Variants in VAT1L observed in about 807,000 individuals in gnomAD.
VAT1L encodes vesicle amine transport 1 like, also known as putative NADPH-dependent quinone oxidoreductase VAT1L.
VAT1L carries 34 observed loss-of-function variants against 44.1 expected under a neutral mutation model. The observed-to-expected ratio is 0.77, with a 90% CI of 0.59 to 1.03. The LOEUF (loss-of-function observed/expected upper bound fraction) is 1.03, where lower values mean the gene tolerates loss of function less well. Among genes scored for constraint, VAT1L ranks in the 50% least tolerant of loss-of-function variants. The pLI is 0.00. For synonymous variants in VAT1L, 253 were observed against 202.2 expected (o/e 1.25, Z -2.13); for missense variants, 615 against 538.8 (o/e 1.14, Z -1.40).
At position 77,960,572 on chromosome 16, in the gene VAT1L, G is replaced by A. The variant is rs537183660; in HGVS notation, c.1078-11278G>A. Among the ~76,000 whole-genome samples the A allele has an allele frequency of 3.0e-4, 46 of 152,308 alleles. 1 individual carries two copies. The highest frequency in any genetic ancestry group is 1.1e-3 in the African/African-American group (45 of 41,558). ...GACCCATCACAAGGCAGGAATGAAA[G>A]GGGAAATATCTTCATTCTCCTTTCT... On this transcript the variant is annotated intron_variant, in intron 7 of 8. Coordinates refer to ENST00000302536, the MANE Select transcript of VAT1L (RefSeq NM_020927.3).
At chr16:77,906,676 TAAGGGGGGAACGG>T (rs897120384) in intron 7 of VAT1L, among the ~76,000 whole-genome samples, 1 of 151,716 alleles carries the variant, frequency 6.6e-6, no homozygotes, top group African/African-American at 2.4e-5. Context: ...CCTGAAAAAC[TAAGGGGGGAACGG>T]TCACTCCCCA....
In VAT1L at chr16:77,879,858, C is replaced by T. The variant is rs4888693; in HGVS notation, c.882+634C>T. On this transcript the variant is annotated intron_variant, in intron 6 of 8. Coordinates refer to ENST00000302536, the MANE Select transcript of VAT1L (RefSeq NM_020927.3). The surrounding 1 kb of genome is among the most constrained non-coding windows in gnomAD (Gnocchi z 4.1). ...AGTGCATTTTCTTTGCTCCATAGAG[C>T]GGCCAGCCTTTCACTTTGCTACTTT... Among the ~76,000 whole-genome samples, 2,286 of 152,260 alleles carry T rather than the reference C, an allele frequency of 0.015. 50 individuals carry two copies. Among genetic ancestry groups the T allele is most frequent in the East Asian group, 0.067 (347 of 5,186 alleles).
chr16:77,973,045 G>A (rs531381888), intron 8 of VAT1L, among the ~76,000 whole-genome samples: 14 of 151,922 alleles, frequency 9.2e-5, no homozygotes, highest in Admixed American at 8.5e-4. Flanking sequence ...ACCACCAGGA[G>A]TATAGCATGT....
intron 7 of VAT1L, among the ~76,000 whole-genome samples, chr16:77,925,959 G>A (rs1432792114): frequency 1.3e-5 from 2 of 152,072 alleles, no homozygotes; most frequent in African/African-American, 2.4e-5. Context: ...CTGATAATCT[G>A]TCATTAAAAA....
At chr16:77,938,961 G>A (rs550565162) in intron 7 of VAT1L, among the ~76,000 whole-genome samples, 1 of 152,224 alleles carries the variant, frequency 6.6e-6, no homozygotes, top group East Asian at 1.9e-4. Context: ...GTTGGGTGGT[G>A]TGACCCTGGA....
chr16:77,964,710 G>A (rs1384675127), intron 7 of VAT1L, among the ~76,000 whole-genome samples: 2 of 150,632 alleles, frequency 1.3e-5, no homozygotes, highest in Admixed American at 6.7e-5. Flanking sequence ...TTGTTTAACT[G>A]GGTCACTCTC....
At chr16:77,843,097 C>T (rs1380355961) in intron 3 of VAT1L, among the ~76,000 whole-genome samples, 6 of 152,172 alleles carry the variant, frequency 3.9e-5, no homozygotes, top group Admixed American at 3.9e-4. Flanking sequence ...ATAGGTCCTT[C>T]TCAAATCCTG....
chr16:77,937,929 A>G (rs1045649136), intron 7 of VAT1L, among the ~76,000 whole-genome samples: 13 of 152,228 alleles, frequency 8.5e-5, no homozygotes, highest in African/African-American at 2.9e-4. Context: ...CAGTGCTCTG[A>G]AAGAATATGC....
At chr16:77,956,706 A>G (rs1336072186) in intron 7 of VAT1L, among the ~76,000 whole-genome samples, 1 of 152,132 alleles carries the variant, frequency 6.6e-6, no homozygotes, top group Non-Finnish European at 1.5e-5. Context: ...GATCCAATAT[A>G]TACCCCGCTT....
intron 8 of VAT1L, among the ~76,000 whole-genome samples, chr16:77,976,157 C>T (rs1023506266): frequency 6.6e-6 from 1 of 152,204 alleles, no homozygotes; most frequent in Non-Finnish European, 1.5e-5. Context: ...GGGAAGAAAA[C>T]TGCAGAGACA....
rs1567474027 is a variant in VAT1L at position 77,814,479 on chromosome 16, C to T, written c.234-2442C>T. Among the ~76,000 whole-genome samples the T allele has an allele frequency of 3.3e-5, 5 of 152,196 alleles. No individual in the cohort carries two copies. The South Asian group carries it at 1.0e-3, about 31-fold the overall frequency. On this transcript the variant is annotated intron_variant, in intron 1 of 8. Coordinates refer to ENST00000302536, the MANE Select transcript of VAT1L (RefSeq NM_020927.3). ...AAGTAGCTGGCTCTCAGTTTACCAT[C>T]ACTGGGCCCAGTTCATGCTGGATGG... is the stretch of plus-strand genomic sequence containing the variant.
At chr16:77,925,236 G>A (rs564754679) in intron 7 of VAT1L, among the ~76,000 whole-genome samples, 1 of 152,014 alleles carries the variant, frequency 6.6e-6, no homozygotes, top group East Asian at 1.9e-4. Context: ...GGAGAGTGAG[G>A]GCCTCCTTAA....
chr16:77,903,594 T>C (rs1194221657), intron 7 of VAT1L, among the ~76,000 whole-genome samples: 2 of 152,132 alleles, frequency 1.3e-5, no homozygotes, highest in African/African-American at 4.8e-5. Context: ...AGAAATTGGG[T>C]ACAACCACCC....
At chr16:77,931,879 G>C (rs1375871272) in intron 7 of VAT1L, among the ~76,000 whole-genome samples, 4 of 152,256 alleles carry the variant, frequency 2.6e-5, no homozygotes, top group African/African-American at 7.2e-5. Flanking sequence ...ACTTTGACTT[G>C]CTATTTTTTA....
At chr16:77,801,028 T>C (rs2966067) in intron 1 of VAT1L, 139,113 of 152,198 alleles carry the variant, frequency 0.91, 63,624 homozygotes, top group East Asian at 0.99. Flanking sequence ...GGGGTTTTGC[T>C]ATGTTGGCCA....
intron 7 of VAT1L, among the ~76,000 whole-genome samples, chr16:77,954,436 C>T (rs2018079290): frequency 6.6e-6 from 1 of 152,134 alleles, no homozygotes; most frequent in African/African-American, 2.4e-5. Flanking sequence ...ACCAGCCTGA[C>T]CAACATGGTG....
rs2018370687 is a variant in VAT1L, at chr16:77,978,986, CAGG to C, written c.*1294_*1296del. The C allele has an allele frequency of 6.6e-6, 1 of 152,142 alleles. No individual in the cohort carries two copies. Among genetic ancestry groups the C allele is most frequent in the South Asian group, 2.1e-4 (1 of 4,816 alleles). 9.4% of individuals were successfully genotyped at this position (152,142 alleles called of 1,614,324 possible). A position where few individuals can be genotyped will look rare whatever the true frequency, so the allele number is the denominator to read the frequency against. On this transcript the variant is annotated 3_prime_UTR_variant, in exon 9 of 9. Transcript: ENST00000302536. ...CACTCACAAACAAATGTGGAGATAC[CAGG>C]AGCTCATTTGATTCATACCCCAACT...
chr16:77,843,986 C>T (rs903518187), intron 3 of VAT1L, among the ~76,000 whole-genome samples: 2 of 152,144 alleles, frequency 1.3e-5, no homozygotes, highest in African/African-American at 4.8e-5. Flanking sequence ...TACTATGAGC[C>T]AGGTGGCATG....
At chr16:77,797,037 G>A (rs2015947927) in intron 1 of VAT1L, among the ~76,000 whole-genome samples, 1 of 152,098 alleles carries the variant, frequency 6.6e-6, no homozygotes, top group African/African-American at 2.4e-5. Flanking sequence ...CACTACTGGG[G>A]CAGTGGGTGC....
Sources: allele counts gnomAD v4.1 joint callset (sites outside exome capture counted in the v4.1 genomes callset), GRCh38; gene constraint gnomAD v4.1.1; non-coding constraint Gnocchi (gnomAD v3.1); transcripts MANE v1.5; gene names NCBI Gene and HGNC (gene_info 2026-07-23, HGNC 2026-07-21).